Variants in MTUS2 observed in about 807,000 individuals in gnomAD.
MTUS2 encodes the protein microtubule associated scaffold protein 2.
A neutral mutation model predicts 114.1 loss-of-function variants in MTUS2; 40 were observed. That is an observed-to-expected ratio of 0.35 (90% CI 0.27 to 0.46). MTUS2 has a LOEUF of 0.46. Among genes scored for constraint, MTUS2 ranks in the 20% least tolerant of loss-of-function variants. MTUS2 has a pLI of 1.00. For synonymous variants in MTUS2, 688 were observed against 672.0 expected, an observed-to-expected ratio of 1.02 and a Z score of -0.37; for missense variants, 1,679 against 1,705.4, an observed-to-expected ratio of 0.98 and a Z score of 0.27.
Position 29,209,491 on chromosome 13 carries a change from GT to G in MTUS2, c.2645-72202del, listed in dbSNP as rs760267271. Reference sequence around the variant, plus strand: ...TTGGTTGTTGCCTGAATACCTTGTTGTTTTTTTTTTTCATTGCATTATTGTT... The same window carrying G: ...TTGGTTGTTGCCTGAATACCTTGTTGTTTTTTTTTTCATTGCATTATTGTT... On this transcript the variant is annotated intron_variant, in intron 5 of 15. Transcript: ENST00000612955. Among the ~76,000 whole-genome samples the G allele has an allele frequency of 2.8e-3, 391 of 142,040 alleles. 2 individuals carry two copies. In the East Asian group the frequency reaches 0.029, roughly 11 times the overall value. The allele number at this position is 142,040 out of a possible 152,430, so 93.2% of individuals were successfully genotyped here. A position where few individuals can be genotyped will look rare whatever the true frequency, so the allele number is the denominator to read the frequency against.
chr13:29,460,480 A>T (rs994383465), intron 9 of MTUS2, among the ~76,000 whole-genome samples: 1 of 152,114 alleles, frequency 6.6e-6, no homozygotes, highest in African/African-American at 2.4e-5. Flanking sequence ...TGGGCATTCA[A>T]TGTTTAGGTC....
At chr13:29,062,757 A>G (rs1888481369) in intron 4 of MTUS2, among the ~76,000 whole-genome samples, 1 of 152,148 alleles carries the variant, frequency 6.6e-6, no homozygotes, top group South Asian at 2.1e-4. Flanking sequence ...GCCTAAAAGA[A>G]CTGGACATGC....
chr13:29,491,784 C>T (rs1454271343), intron 11 of MTUS2, among the ~76,000 whole-genome samples: 1 of 127,128 alleles, frequency 7.9e-6, no homozygotes, highest in Non-Finnish European at 1.6e-5. Flanking sequence ...TATGTATGTG[C>T]TGTTGTATGT....
At chr13:29,281,624 A>T in intron 5 of MTUS2, 80 bp from the exon 6 acceptor site, 2 of 1,434,860 alleles carry the variant, frequency 1.4e-6, no homozygotes, top group South Asian at 2.5e-5. Context: ...CGGCAGTAGG[A>T]TTGGTTGGCA....
chr13:29,012,746 C>T (rs9579260), intron 2 of MTUS2, among the ~76,000 whole-genome samples: 66,623 of 151,410 alleles, frequency 0.44, 14,960 homozygotes, highest in Admixed American at 0.49. Context: ...TGGTGGTGGG[C>T]GCCTGTAGTC....
intron 6 of MTUS2, among the ~76,000 whole-genome samples, chr13:29,320,758 G>T (rs1314727971): frequency 6.6e-6 from 1 of 152,228 alleles, no homozygotes; most frequent in South Asian, 2.1e-4. Flanking sequence ...AGATGCAGAG[G>T]TTAAGGCACA....
chr13:29,236,819 C>G (rs976124993), intron 5 of MTUS2, among the ~76,000 whole-genome samples: 2 of 152,174 alleles, frequency 1.3e-5, no homozygotes, highest in Non-Finnish European at 2.9e-5. Flanking sequence ...AAGGGAAATG[C>G]AGAACATTCA....
At chr13:29,424,527 G>A (rs1385677353) in intron 8 of MTUS2, among the ~76,000 whole-genome samples, 1 of 152,174 alleles carries the variant, frequency 6.6e-6, no homozygotes, top group East Asian at 1.9e-4. Context: ...ATGAAAGGTT[G>A]ATGGGGAACT....
chr13:29,060,887 G>A (rs546300260), intron 4 of MTUS2, among the ~76,000 whole-genome samples: 6 of 145,712 alleles, frequency 4.1e-5, no homozygotes, highest in South Asian at 4.3e-4. Context: ...TGCAAGCTCC[G>A]CTTCCTGGGT....
At chr13:29,320,275 A>C (rs1216019651) in intron 6 of MTUS2, among the ~76,000 whole-genome samples, 2 of 152,184 alleles carry the variant, frequency 1.3e-5, no homozygotes, top group Non-Finnish European at 2.9e-5. Flanking sequence ...AGAGGCGAAC[A>C]AGGCAAGGAA....
intron 9 of MTUS2, among the ~76,000 whole-genome samples, chr13:29,450,147 TG>T (rs1878585714): frequency 6.6e-6 from 1 of 152,146 alleles, no homozygotes; most frequent in Non-Finnish European, 1.5e-5. Flanking sequence ...CTGCTCTCTC[TG>T]GGGGGAAGTG....
At chr13:29,172,538 A>G (rs1375782795) in intron 5 of MTUS2, among the ~76,000 whole-genome samples, 6 of 152,232 alleles carry the variant, frequency 3.9e-5, no homozygotes, top group Non-Finnish European at 8.8e-5. Context: ...GGCAATATCC[A>G]GTTCAATGTC....
intron 8 of MTUS2, among the ~76,000 whole-genome samples, chr13:29,439,776 A>G (rs745636817): frequency 3.3e-5 from 5 of 152,226 alleles, no homozygotes; most frequent in Non-Finnish European, 5.9e-5. Context: ...TAATATTATG[A>G]TGCAAGCTTT....
At position 29,492,726 on chromosome 13, in the gene MTUS2, A is replaced by G; in HGVS notation, c.3579+7A>G. On this transcript the variant is annotated splice_region_variant and intron_variant, in intron 12 of 15. Coordinates refer to ENST00000612955, the MANE Select transcript of MTUS2 (RefSeq NM_001033602.4). Reference sequence around the variant, plus strand: ...ACTGCGGCTGTCATTGCAGGTTAGTATTTCTTTAATTTTCTTACCTGGTAT... The same window carrying G: ...ACTGCGGCTGTCATTGCAGGTTAGTGTTTCTTTAATTTTCTTACCTGGTAT... The G allele has an allele frequency of 6.2e-7, 1 of 1,606,872 alleles. No individual in the cohort carries two copies. The highest frequency in any genetic ancestry group is 2.2e-5 in the East Asian group (1 of 44,854).
At chr13:29,030,702 A>C (rs974895366) in intron 3 of MTUS2, among the ~76,000 whole-genome samples, 4 of 152,182 alleles carry the variant, frequency 2.6e-5, no homozygotes, top group Non-Finnish European at 5.9e-5. Flanking sequence ...GTTGCAATGG[A>C]AGTATTTTTC....
At chr13:29,196,334 G>A (rs1233112081) in intron 5 of MTUS2, among the ~76,000 whole-genome samples, 1 of 151,910 alleles carries the variant, frequency 6.6e-6, no homozygotes, top group Non-Finnish European at 1.5e-5. Flanking sequence ...CTGACCTCAG[G>A]GATCTGCCTG....
chr13:29,491,037 G>T (rs1176384783), intron 11 of MTUS2, among the ~76,000 whole-genome samples: 2 of 147,256 alleles, frequency 1.4e-5, no homozygotes, highest in African/African-American at 5.2e-5. Context: ...ATGCGGGTTT[G>T]TGTGTGTGTG....
intron 4 of MTUS2, among the ~76,000 whole-genome samples, chr13:29,082,495 A>C (rs1447863437): frequency 1.3e-5 from 2 of 152,166 alleles, no homozygotes; most frequent in South Asian, 2.1e-4. Flanking sequence ...TACATAGCCA[A>C]ATCTTAAAGG....
At chr13:29,011,010 C>T (rs1409370804) in intron 2 of MTUS2, among the ~76,000 whole-genome samples, 1 of 152,098 alleles carries the variant, frequency 6.6e-6, no homozygotes, top group Non-Finnish European at 1.5e-5. Flanking sequence ...TGCTCCCCTT[C>T]CCATGCCAAA....
Sources: allele counts gnomAD v4.1 joint callset (sites outside exome capture counted in the v4.1 genomes callset), GRCh38; gene constraint gnomAD v4.1.1; transcripts MANE v1.5; gene names NCBI Gene and HGNC (gene_info 2026-07-23, HGNC 2026-07-21).